LAMA1: variants seen among roughly 807,000 people sequenced by gnomAD.
The protein encoded by LAMA1 is laminin subunit alpha-1.
A neutral mutation model predicts 348.7 loss-of-function variants in LAMA1; 219 were observed. The observed-to-expected ratio is 0.63, with a 90% CI of 0.56 to 0.70. LAMA1 has a LOEUF of 0.70. Ranked by LOEUF, LAMA1 falls within the 30% of genes least tolerant of loss-of-function variation. The probability of loss-of-function intolerance (pLI) is 0.00; values close to 1 mark genes in which losing one functional copy is unlikely to be tolerated. For synonymous variants in LAMA1, 1,487 were observed against 1,491.0 expected (o/e 1.00, Z 0.06); for missense variants, 3,744 against 3,888.0 (o/e 0.96, Z 0.99).
At position 7,026,813 on chromosome 18, in the gene LAMA1, C is replaced by T. The variant is rs1358288871; in HGVS notation, c.2275-707G>A. Among the ~76,000 whole-genome samples the T allele has an allele frequency of 3.9e-5, 6 of 152,018 alleles. No homozygotes were observed. The South Asian group carries it at 8.3e-4, about 21-fold the overall frequency. On this transcript the variant is annotated intron_variant, in intron 16 of 62. Transcript: ENST00000389658. ...GAGATCAACACAACCCTGGCTAACA[C>T]GGTGAAACCCCATCTCTACTAAAAA... is the stretch of plus-strand genomic sequence containing the variant.
chr18:7,068,554 A>G (rs1401966484), intron 3 of LAMA1, among the ~76,000 whole-genome samples: 1 of 152,212 alleles, frequency 6.6e-6, no homozygotes, highest in East Asian at 1.9e-4. Flanking sequence ...GATTTTTTAA[A>G]TAACTTTTTT....
chr18:6,952,777 T>C (rs1481035198), intron 57 of LAMA1, among the ~76,000 whole-genome samples: 1 of 151,656 alleles, frequency 6.6e-6, no homozygotes, highest in Non-Finnish European at 1.5e-5. Context: ...TGTCTGCCTA[T>C]GTCCAGTGGA....
intron 36 of LAMA1, among the ~76,000 whole-genome samples, chr18:6,990,859 G>A (rs1319972166): frequency 6.6e-6 from 1 of 152,082 alleles, no homozygotes; most frequent in Non-Finnish European, 1.5e-5. Flanking sequence ...CAGGTTTGTG[G>A]TCAGGTTTCA....
intron 36 of LAMA1, among the ~76,000 whole-genome samples, chr18:6,991,900 TAG>T (rs527873250): frequency 1.3e-5 from 2 of 152,260 alleles, no homozygotes; most frequent in Non-Finnish European, 2.9e-5. Context: ...GATTATAGTT[TAG>T]ATAGTAACGT....
At chr18:7,014,093 G>T in intron 22 of LAMA1, 42 bp from the exon 23 acceptor site, 1 of 1,458,660 alleles carries the variant, frequency 6.9e-7, no homozygotes, top group South Asian at 1.1e-5. Context: ...AGGCAGATTT[G>T]ATGCTTCCAA....
Position 6,949,230 on chromosome 18 carries a change from G to A in LAMA1, c.8427C>T (p.Gly2809=). The A allele has an allele frequency of 6.2e-7, 1 of 1,614,182 alleles. No individual in the cohort carries two copies. Among genetic ancestry groups the A allele is most frequent in the Non-Finnish European group, 8.5e-7 (1 of 1,180,022 alleles). ...ACTCTCGGCCGTCGACAGTTATGAA[G>A]CCTTTTCTTTTAACATAGTCTGTCT... The part of the protein sequence containing the change: ...TVKTDYVKRK[G]FITVDGRESP... Residue 2809 remains glycine, a synonymous_variant, in exon 59 of 63, where the codon GGC becomes GGT. Transcript: ENST00000389658.
At chr18:7,055,259 T>C (rs981518489) in intron 3 of LAMA1, among the ~76,000 whole-genome samples, 3 of 151,892 alleles carry the variant, frequency 2.0e-5, no homozygotes, top group Non-Finnish European at 2.9e-5. Context: ...GAGACCAGCC[T>C]GGCCAACATG....
chr18:7,061,240 G>C (rs531767030), intron 3 of LAMA1, among the ~76,000 whole-genome samples: 1 of 152,298 alleles, frequency 6.6e-6, no homozygotes, highest in Non-Finnish European at 1.5e-5. Flanking sequence ...TCCTAGTCTC[G>C]ATGTATTTCT....
At chr18:7,035,488 T>C (rs2057990438) in intron 13 of LAMA1, among the ~76,000 whole-genome samples, 1 of 151,886 alleles carries the variant, frequency 6.6e-6, no homozygotes, top group Non-Finnish European at 1.5e-5. Context: ...AGTGGTGCAA[T>C]CACAGCTCAC....
At chr18:6,995,536 A>T (rs1325921986) in intron 33 of LAMA1, 90 bp from the exon 34 acceptor site, 1 of 774,086 alleles carries the variant, frequency 1.3e-6, no homozygotes, top group Non-Finnish European at 2.3e-6. Flanking sequence ...TTTTTTGTTC[A>T]CAGAAAGAAA....
intron 15 of LAMA1, among the ~76,000 whole-genome samples, chr18:7,032,676 A>G (rs2057975734): frequency 6.6e-6 from 1 of 152,160 alleles, no homozygotes; most frequent in Non-Finnish European, 1.5e-5. Context: ...AAATGTTCAG[A>G]TATGATCAAG....
In LAMA1 at chr18:7,005,140, AG is replaced by A. The variant is rs200958894; in HGVS notation, c.4260+1998del. Among the ~76,000 whole-genome samples, 670 of 152,320 alleles carry A rather than the reference AG, an allele frequency of 4.4e-3. 9 individuals are homozygous for A. The highest frequency in any genetic ancestry group is 0.015 in the African/African-American group (618 of 41,576). ...ACTCCATCTGGCCTCCAGGCATGTG[AG>A]GGTACGTGACTTGGAGGGCTGAAGA... On this transcript the variant is annotated intron_variant, in intron 29 of 62. Coordinates refer to ENST00000389658, the MANE Select transcript of LAMA1 (RefSeq NM_005559.4).
intron 30 of LAMA1, among the ~76,000 whole-genome samples, chr18:7,001,465 TAAC>T (rs560467257): frequency 2.2e-4 from 34 of 152,122 alleles, no homozygotes; most frequent in Non-Finnish European, 4.6e-4. Flanking sequence ...TAAGCACTAG[TAAC>T]AACAAATTTT....
intron 16 of LAMA1, among the ~76,000 whole-genome samples, chr18:7,029,838 T>G (rs1219668858): frequency 6.6e-6 from 1 of 152,118 alleles, no homozygotes; most frequent in Non-Finnish European, 1.5e-5. Flanking sequence ...ACAGGGGCTC[T>G]AAGAGCAACT....
rs60620187 is a variant in LAMA1 at position 7,085,670 on chromosome 18, A to G, written c.62-5213T>C. On this transcript the variant is annotated intron_variant, in intron 1 of 62. Transcript: ENST00000389658. Reference sequence around the variant, plus strand: ...CCTGACTTCCTGATCCGCCCGCCTCAGCCTCCCAAAGTGCTGGGATTACAG... The same window carrying G: ...CCTGACTTCCTGATCCGCCCGCCTCGGCCTCCCAAAGTGCTGGGATTACAG... Among the ~76,000 whole-genome samples, 3,430 of 152,088 alleles carry G rather than the reference A, an allele frequency of 0.023. 205 individuals are homozygous for G. The East Asian group carries it at 0.27, about 12-fold the overall frequency.
chr18:7,087,509 G>T (rs886469504), intron 1 of LAMA1, among the ~76,000 whole-genome samples: 3 of 152,170 alleles, frequency 2.0e-5, no homozygotes, highest in African/African-American at 7.2e-5. Flanking sequence ...CCACTCCTCA[G>T]GATGTGAGTA....
chr18:7,116,891 G>C (rs1196764430), intron 1 of LAMA1, among the ~76,000 whole-genome samples: 1 of 151,750 alleles, frequency 6.6e-6, no homozygotes, highest in South Asian at 2.1e-4. Context: ...AATTCGCTCT[G>C]AGTTTCTCTT....
At chr18:7,116,791 TTCTTTCTCTCTCTTTCTTTTC>T (rs1408637573) in intron 1 of LAMA1, among the ~76,000 whole-genome samples, 2 of 151,882 alleles carry the variant, frequency 1.3e-5, no homozygotes, top group Non-Finnish European at 2.9e-5. Flanking sequence ...TTCTTTTTCT[TTCTTTCTCTCTCTTTCTTTTC>T]TCTTTCTCTC....
chr18:7,068,726 G>T (rs896043382), intron 3 of LAMA1, among the ~76,000 whole-genome samples: 1 of 151,602 alleles, frequency 6.6e-6, no homozygotes, highest in African/African-American at 2.4e-5. Flanking sequence ...TTTTAAAAAC[G>T]TTGTTACAGC....
Sources: gnomAD v4.1 joint callset for allele counts (sites outside exome capture counted in the v4.1 genomes callset) on GRCh38, gnomAD v4.1.1 for gene constraint, MANE v1.5 for transcripts, NCBI Gene and HGNC (gene_info 2026-07-23, HGNC 2026-07-21) for gene names.